ABCC3: variants seen among roughly 807,000 people sequenced by gnomAD.
ABCC3 encodes the protein ATP-binding cassette sub-family C member 3.
Under a neutral mutation model 165.3 loss-of-function variants are expected in ABCC3, and 121 were observed. The observed-to-expected ratio is 0.73, with a 90% CI of 0.63 to 0.85. The LOEUF is 0.85. ABCC3 is among the 40% of genes least tolerant of loss of function. ABCC3 has a pLI of 0.00. For synonymous variants in ABCC3, 733 were observed against 810.1 expected (o/e 0.90, Z 1.62); for missense variants, 1,869 against 1,964.1 (o/e 0.95, Z 0.92).
intron 1 of ABCC3, among the ~76,000 whole-genome samples, chr17:50,649,375 G>A (rs1176343938): frequency 6.6e-6 from 1 of 152,092 alleles, no homozygotes; most frequent in African/African-American, 2.4e-5. Flanking sequence ...ATGGTGCAAT[G>A]AGGTGTTTGC....
intron 1 of ABCC3, among the ~76,000 whole-genome samples, chr17:50,655,178 C>T (rs1292876478): frequency 1.3e-5 from 2 of 148,682 alleles, no homozygotes; most frequent in East Asian, 4.0e-4. Flanking sequence ...GAGGCCGATG[C>T]GGGCAGATCA....
chr17:50,668,587 T>A, intron 14 of ABCC3, 70 bp downstream of exon 14: 2 of 1,269,284 alleles, frequency 1.6e-6, no homozygotes, highest in Non-Finnish European at 2.3e-6. Context: ...TTCAAGCTTT[T>A]CCTTTGTTCT....
intron 18 of ABCC3, 157 bp downstream of exon 18, chr17:50,673,295 T>C: frequency 1.6e-6 from 2 of 1,214,974 alleles, no homozygotes; most frequent in Non-Finnish European, 2.3e-6. Flanking sequence ...TGGGGACAAC[T>C]CCCCCACCTG....
intron 25 of ABCC3, 121 bp downstream of exon 25, chr17:50,678,340 T>A: frequency 9.6e-7 from 1 of 1,042,732 alleles, no homozygotes; most frequent in Non-Finnish European, 1.3e-6. Flanking sequence ...GGGTCTGTTC[T>A]CAAGGACTGT....
chr17:50,680,008 C>A, intron 26 of ABCC3, 109 bp downstream of exon 26: 1 of 745,556 alleles, frequency 1.3e-6, no homozygotes, highest in Admixed American at 2.2e-5. Flanking sequence ...TGGGGCTCTT[C>A]ATTCATTTAC....
chr17:50,683,481 C>A, intron 26 of ABCC3, 129 bp from the exon 27 acceptor site: 1 of 1,044,882 alleles, frequency 9.6e-7, no homozygotes, highest in Non-Finnish European at 1.3e-6. Context: ...GGCTGAGCCA[C>A]AGGGGTGCCA....
At chr17:50,682,375 G>A (rs1047390730) in intron 26 of ABCC3, among the ~76,000 whole-genome samples, 6 of 147,102 alleles carry the variant, frequency 4.1e-5, no homozygotes, top group African/African-American at 1.3e-4. Context: ...ATCAAATCAC[G>A]TCATTCCTCT....
At chr17:50,664,702 C>CAA (rs58513664) in intron 10 of ABCC3, 256 of 47,568 alleles carry the variant, frequency 5.4e-3, no homozygotes, top group South Asian at 0.012. Context: ...GACTCTGTCT[C>CAA]AAAAAAAAAA....
Position 50,679,854 on chromosome 17 carries a change from C to T in ABCC3, c.3762C>T (p.Ile1254=), listed in dbSNP as rs756282585. 2.2e-5 allele frequency: 35 copies of T among 1,613,998 alleles called. No individual in the cohort carries two copies. Among genetic ancestry groups the T allele is most frequent in the East Asian group, 4.5e-5 (2 of 44,884 alleles). The change falls in exon 26 of 31, where the codon ATC becomes ATT. Residue 1254 remains isoleucine (I), a synonymous_variant. Transcript: ENST00000285238. ...IRMMSDLESN[I]VAVERVKEYS... The stretch of plus-strand genomic sequence containing the variant: ...TGATGTCAGATTTGGAATCTAACAT[C>T]GTGGCTGTGGAGAGGGTCAAGGAGT...
intron 1 of ABCC3, chr17:50,635,660 G>T: frequency 1.0e-5 from 7 of 695,104 alleles, no homozygotes; most frequent in South Asian, 8.9e-5. Flanking sequence ...AGAAAGGGAG[G>T]CCCAGAGAGA....
In ABCC3 at chr17:50,675,659, G is replaced by A. The variant is rs1967785915; in HGVS notation, c.2743G>A (p.Glu915Lys). 1.3e-6 allele frequency: 2 copies of A among 1,572,682 alleles called. No homozygotes were observed. The highest frequency in any genetic ancestry group is 2.3e-5 in the East Asian group (1 of 42,890). Residue 915 changes from glutamate (E) to lysine (K), a missense_variant, in exon 21 of 31, where the codon GAG becomes AAG. Physicochemically the swap from Glu to Lys is moderately conservative, Grantham distance 56. Coordinates refer to ENST00000285238, the MANE Select transcript of ABCC3 (RefSeq NM_003786.4). ...RQLSALSSDG[E>K]GQGRPVPRRH... ...GCTGAGTGCCCTGTCCTCAGATGGGGAGGGACAGGGTCGGCCTGTACCCCG... is the reference window on the plus strand; with the variant it reads ...GCTGAGTGCCCTGTCCTCAGATGGGAAGGGACAGGGTCGGCCTGTACCCCG...
At chr17:50,668,586 T>C in intron 14 of ABCC3, 69 bp downstream of exon 14, 1 of 1,285,032 alleles carries the variant, frequency 7.8e-7, no homozygotes, top group South Asian at 1.2e-5. Flanking sequence ...TTTCAAGCTT[T>C]TCCTTTGTTC....
rs771792367 is a variant in ABCC3 at position 50,663,891 on chromosome 17, G to A, written c.1176+33G>A. 9 of 1,614,048 alleles carry A rather than the reference G, an allele frequency of 5.6e-6. No homozygotes were observed. In the African/African-American group the frequency reaches 1.2e-4, roughly 22 times the overall value. On this transcript the variant is annotated intron_variant, in intron 9 of 30. Coordinates refer to ENST00000285238, the MANE Select transcript of ABCC3 (RefSeq NM_003786.4). ...GGAGCAGGGCCCAGGGGAAAGGCTG[G>A]CCCTGGGCAGCTTGCAAGAGGCTCG...
At chr17:50,671,425 CA>C (rs1282684200) in intron 17 of ABCC3, among the ~76,000 whole-genome samples, 10 of 152,280 alleles carry the variant, frequency 6.6e-5, no homozygotes, top group African/African-American at 2.4e-4. Flanking sequence ...CCCTAGGCCC[CA>C]GTAACCACCA....
Position 50,665,698 on chromosome 17 carries a change from C to T in ABCC3, c.1431+453C>T, listed in dbSNP as rs1348107990. ...TCGGCTCACTGCAACCTCTGCCTCC[C>T]GGGTTCAAGCGATCTTCCTGCCTCA... is the stretch of plus-strand genomic sequence containing the variant. On this transcript the variant is annotated intron_variant, in intron 11 of 30. Transcript: ENST00000285238. Among the ~76,000 whole-genome samples, 11 of 151,722 alleles carry T rather than the reference C, an allele frequency of 7.3e-5. 1 individual carries two copies. Among genetic ancestry groups the T allele is most frequent in the Middle Eastern group, 6.8e-3 (2 of 294 alleles).
chr17:50,668,555 C>T, intron 14 of ABCC3, 38 bp downstream of exon 14: 1 of 1,515,314 alleles, frequency 6.6e-7, no homozygotes, highest in East Asian at 2.3e-5. Context: ...TGCCCCAGTC[C>T]TTGCTCCAGA....
chr17:50,671,357 C>G (rs575088475), intron 17 of ABCC3, among the ~76,000 whole-genome samples: 7 of 152,070 alleles, frequency 4.6e-5, no homozygotes, highest in South Asian at 2.1e-4. Flanking sequence ...TCTCCAGAAC[C>G]TTTTCATCTT....
intron 6 of ABCC3, 74 bp downstream of exon 6, chr17:50,658,570 G>A (rs915019897): frequency 7.2e-6 from 11 of 1,527,428 alleles, no homozygotes; most frequent in Non-Finnish European, 1.0e-5. Flanking sequence ...AGGGGAGCAG[G>A]GCAGCAGTTT....
chr17:50,683,613 C>T lies in ABCC3; in HGVS notation c.3811C>T (p.Pro1271Ser). 2 of 1,569,798 alleles carry T rather than the reference C, an allele frequency of 1.3e-6. No homozygotes were observed. The highest frequency in any genetic ancestry group is 8.6e-7 in the Non-Finnish European group (1 of 1,159,088). ...KEYSKTETEAPWVVEGSRPPE... is the reference protein window; with the variant it reads ...KEYSKTETEASWVVEGSRPPE... ...CCCCATCTGCCCCTCCTGCCAGGCG[C>T]CCTGGGTGGTGGAAGGCAGCCGCCC... is the stretch of plus-strand genomic sequence containing the variant. The change falls in exon 27 of 31, where the codon CCC becomes TCC. Residue 1271 changes from proline to serine, a missense_variant. By Grantham distance (74) the Pro-to-Ser change is moderately conservative. Transcript: ENST00000285238.
Sources: gnomAD v4.1 joint callset for allele counts (sites outside exome capture counted in the v4.1 genomes callset) on GRCh38, gnomAD v4.1.1 for gene constraint, MANE v1.5 for transcripts, NCBI Gene and HGNC (gene_info 2026-07-23, HGNC 2026-07-21) for gene names.